CSMD3: variants seen among roughly 807,000 people sequenced by gnomAD.
CSMD3 encodes the protein CUB and sushi domain-containing protein 3.
Under a neutral mutation model 435.2 loss-of-function variants are expected in CSMD3, and 177 were observed. That is an observed-to-expected ratio of 0.41 (90% CI 0.36 to 0.46). The LOEUF is 0.46. Ranked by LOEUF, CSMD3 falls within the 20% of genes least tolerant of loss-of-function variation. The pLI is 0.34. For missense variants in CSMD3, 4,265 were observed against 4,504.6 expected (o/e 0.95, Z 1.52); for synonymous variants, 1,656 against 1,520.5 (o/e 1.09, Z -2.07).
intron 13 of CSMD3, among the ~76,000 whole-genome samples, chr8:112,719,202 T>C (rs2131959503): frequency 6.6e-6 from 1 of 152,280 alleles, no homozygotes; most frequent in Non-Finnish European, 1.5e-5. Context: ...ATTAGAAGAC[T>C]AAGTAAAAGT....
intron 22 of CSMD3, among the ~76,000 whole-genome samples, chr8:112,608,937 A>C (rs1257731304): frequency 1.3e-5 from 2 of 152,010 alleles, no homozygotes; most frequent in Non-Finnish European, 2.9e-5. Context: ...GTAATTTCAG[A>C]GATGATTTTT....
intron 1 of CSMD3, among the ~76,000 whole-genome samples, chr8:113,419,473 T>G (rs1444912535): frequency 2.0e-5 from 3 of 152,106 alleles, no homozygotes; most frequent in African/African-American, 7.2e-5. Flanking sequence ...TACTCCAACA[T>G]CATCTGGTGA....
chr8:112,904,147 C>T (rs1294154037), intron 10 of CSMD3, among the ~76,000 whole-genome samples: 1 of 151,344 alleles, frequency 6.6e-6, no homozygotes, highest in Admixed American at 6.6e-5. Context: ...ATTAACTAGG[C>T]TGTCTTCCCA....
intron 53 of CSMD3, 75 bp from the exon 54 acceptor site, chr8:112,296,081 T>C: frequency 8.5e-7 from 1 of 1,175,408 alleles, no homozygotes; most frequent in Non-Finnish European, 1.2e-6. Context: ...ATGTGGAACA[T>C]GAGCAAACCT....
chr8:112,814,440 T>C (rs1290865572), intron 12 of CSMD3, among the ~76,000 whole-genome samples: 5 of 152,074 alleles, frequency 3.3e-5, no homozygotes, highest in Non-Finnish European at 5.9e-5. Context: ...TATGTAGATA[T>C]AGGGAAAAGT....
chr8:113,188,000 T>C (rs1008773260), intron 3 of CSMD3, among the ~76,000 whole-genome samples: 6 of 151,982 alleles, frequency 3.9e-5, no homozygotes, highest in Non-Finnish European at 7.4e-5. Flanking sequence ...TATCTCCACA[T>C]TTTTTCTTTG....
intron 27 of CSMD3, among the ~76,000 whole-genome samples, chr8:112,539,598 AT>A (rs1177594951): frequency 2.0e-5 from 3 of 152,144 alleles, no homozygotes; most frequent in African/African-American, 2.4e-5. Flanking sequence ...AAGAGGAAAA[AT>A]AACTCAGAAA....
intron 8 of CSMD3, among the ~76,000 whole-genome samples, chr8:112,951,743 G>A (rs987079030): frequency 7.2e-5 from 11 of 151,746 alleles, no homozygotes; most frequent in African/African-American, 7.2e-5. Flanking sequence ...TGTGGAATAA[G>A]TGGATAATAT....
intron 13 of CSMD3, among the ~76,000 whole-genome samples, chr8:112,761,359 G>A (rs538571588): frequency 6.6e-6 from 1 of 152,092 alleles, no homozygotes; most frequent in Non-Finnish European, 1.5e-5. Context: ...AGAAAAGTAT[G>A]TAGAATGTAT....
At chr8:112,418,126 G>C (rs537377989) in intron 32 of CSMD3, among the ~76,000 whole-genome samples, 1 of 152,100 alleles carries the variant, frequency 6.6e-6, no homozygotes, top group South Asian at 2.1e-4. Context: ...CAGAAATAAA[G>C]AAGGATTCAA....
intron 41 of CSMD3, among the ~76,000 whole-genome samples, chr8:112,345,833 TA>T (rs1486402329): frequency 6.6e-6 from 1 of 151,570 alleles, no homozygotes; most frequent in Non-Finnish European, 1.5e-5. Context: ...GTACAATTTT[TA>T]TTTGTCAATT....
chr8:113,405,159 T>C (rs987914972), intron 1 of CSMD3, among the ~76,000 whole-genome samples: 1 of 151,544 alleles, frequency 6.6e-6, no homozygotes, highest in African/African-American at 2.4e-5. Context: ...ATATTGAGTA[T>C]TGTCATATAT....
intron 3 of CSMD3, among the ~76,000 whole-genome samples, chr8:113,188,658 G>A (rs949084913): frequency 5.9e-5 from 9 of 151,900 alleles, no homozygotes; most frequent in Non-Finnish European, 1.5e-5. Context: ...AAGTAGAAGG[G>A]CTTGTTCCAG....
intron 10 of CSMD3, among the ~76,000 whole-genome samples, chr8:112,899,394 C>A (rs1412506071): frequency 1.1e-4 from 17 of 149,754 alleles, no homozygotes; most frequent in Non-Finnish European, 3.0e-5. Context: ...TCAGATTGGC[C>A]TAAAATATGT....
At chr8:112,980,233 A>C (rs2085000130) in intron 6 of CSMD3, among the ~76,000 whole-genome samples, 1 of 150,864 alleles carries the variant, frequency 6.6e-6, no homozygotes, top group African/African-American at 2.4e-5. Flanking sequence ...CTCATTACCA[A>C]AATAAAAAAC....
At chr8:112,452,835 A>G (rs966266563) in intron 32 of CSMD3, among the ~76,000 whole-genome samples, 3 of 152,218 alleles carry the variant, frequency 2.0e-5, no homozygotes, top group African/African-American at 7.2e-5. Flanking sequence ...TCTTCCTGAA[A>G]TATTTTGTAG....
chr8:112,540,324 C>T (rs1826539757), intron 27 of CSMD3, among the ~76,000 whole-genome samples: 1 of 151,986 alleles, frequency 6.6e-6, no homozygotes, highest in African/African-American at 2.4e-5. Flanking sequence ...TGCTCATGCA[C>T]TGTTGGTGTG....
intron 38 of CSMD3, among the ~76,000 whole-genome samples, chr8:112,378,180 G>A (rs1457756811): frequency 1.3e-5 from 2 of 151,224 alleles, no homozygotes; most frequent in African/African-American, 4.9e-5. Flanking sequence ...AAAAAATGTG[G>A]AGAAAAGGGA....
chr8:113,026,831 T>C (rs1322729297), intron 5 of CSMD3, among the ~76,000 whole-genome samples: 3 of 152,204 alleles, frequency 2.0e-5, no homozygotes, highest in Non-Finnish European at 4.4e-5. Context: ...CTAAAATTTA[T>C]ATTTTTGTTT....
Sources: allele counts gnomAD v4.1 joint callset (sites outside exome capture counted in the v4.1 genomes callset), GRCh38; gene constraint gnomAD v4.1.1; transcripts MANE v1.5; gene names NCBI Gene and HGNC (gene_info 2026-07-23, HGNC 2026-07-21).